Variants in MON2 observed in about 807,000 individuals in gnomAD.
The protein encoded by MON2 is protein MON2 homolog.
Under a neutral mutation model 208.6 loss-of-function variants are expected in MON2, and 84 were observed. That is an observed-to-expected ratio of 0.40 (90% confidence interval 0.34 to 0.48). MON2 has a LOEUF of 0.48. Among genes scored for constraint, MON2 ranks in the 20% least tolerant of loss-of-function variants. The pLI, the probability that MON2 is intolerant of heterozygous loss-of-function variation, is 0.59. For missense variants in MON2, 1,611 were observed against 2,015.4 expected, an observed-to-expected ratio of 0.80 and a Z score of 3.84; for synonymous variants, 660 against 694.0, an observed-to-expected ratio of 0.95 and a Z score of 0.77.
intron 22 of MON2, among the ~76,000 whole-genome samples, chr12:62,549,178 T>C (rs1377924749): frequency 6.6e-6 from 1 of 152,302 alleles, no homozygotes; most frequent in East Asian, 1.9e-4. Flanking sequence ...TTGTTTTTGT[T>C]AATTTGTTTA....
chr12:62,512,502 C>A (rs1191172599), intron 8 of MON2, among the ~76,000 whole-genome samples: 1 of 152,212 alleles, frequency 6.6e-6, no homozygotes, highest in Non-Finnish European at 1.5e-5. Flanking sequence ...TGTCTGACAT[C>A]CAGATCACAC....
chr12:62,548,681 A>T (rs191660569), intron 22 of MON2, among the ~76,000 whole-genome samples: 4 of 152,328 alleles, frequency 2.6e-5, no homozygotes, highest in Admixed American at 2.6e-4. Context: ...GGTGTACTAA[A>T]TAGGGCATTG....
chr12:62,486,676 A>T (rs758944689), intron 2 of MON2, among the ~76,000 whole-genome samples: 1 of 152,122 alleles, frequency 6.6e-6, no homozygotes, highest in Non-Finnish European at 1.5e-5. Context: ...TATAATTAAG[A>T]GTACAGTTAA....
Position 62,594,985 on chromosome 12 carries a change from C to T in MON2, c.*2236C>T, listed in dbSNP as rs2075493585. Reference sequence around the variant, plus strand: ...TAGTATGAATTGGGTTCTCCAGTGACTAGAAGAACTGGGGTGTGTGAAAGT... The same window carrying T: ...TAGTATGAATTGGGTTCTCCAGTGATTAGAAGAACTGGGGTGTGTGAAAGT... On this transcript the variant is annotated 3_prime_UTR_variant, in exon 35 of 35. Transcript: ENST00000393630. 6.6e-6 allele frequency: 1 copy of T among 152,122 alleles called. No individual in the cohort carries two copies. The highest frequency in any genetic ancestry group is 1.5e-5 in the Non-Finnish European group (1 of 68,052). 9.4% of individuals were successfully genotyped at this position (152,122 alleles called of 1,614,324 possible).
In MON2 at chr12:62,579,983, A is replaced by G. The variant is rs568162721; in HGVS notation, c.4576-314A>G. 2.5e-4 allele frequency among the ~76,000 whole-genome samples: 38 copies of G among 152,322 alleles called. 1 individual carries two copies. In the South Asian group the frequency reaches 3.7e-3, roughly 15 times the overall value. On this transcript the variant is annotated intron_variant, in intron 31 of 34. Coordinates refer to ENST00000393630, the MANE Select transcript of MON2 (RefSeq NM_015026.3). Reference sequence around the variant, plus strand: ...CTATTTTGAATATTTTAATTCTAACATGGGTAAATTTCATATGCTATTTTT... The same window carrying G: ...CTATTTTGAATATTTTAATTCTAACGTGGGTAAATTTCATATGCTATTTTT...
intron 7 of MON2, among the ~76,000 whole-genome samples, chr12:62,504,037 A>T (rs2070974563): frequency 1.3e-5 from 2 of 152,084 alleles, no homozygotes; most frequent in African/African-American, 4.8e-5. Context: ...CCCTACAAGA[A>T]GATAAACTCT....
chr12:62,564,069 T>G (rs559282403), intron 26 of MON2, among the ~76,000 whole-genome samples: 1 of 152,238 alleles, frequency 6.6e-6, no homozygotes, highest in East Asian at 1.9e-4. Flanking sequence ...TGGTATTAGA[T>G]GTCTTTTTAC....
intron 29 of MON2, among the ~76,000 whole-genome samples, chr12:62,568,021 G>A (rs11174550): frequency 0.35 from 53,865 of 151,998 alleles, 9,699 homozygotes; most frequent in African/African-American, 0.37. Context: ...TTGCCAAGTA[G>A]TCAGTGCTGA....
chr12:62,556,292 A>G, intron 25 of MON2, 100 bp downstream of exon 25: 1 of 1,132,798 alleles, frequency 8.8e-7, no homozygotes, highest in Non-Finnish European at 1.3e-6. Flanking sequence ...CTTAGTCTTT[A>G]TGTGTGGTGT....
chr12:62,582,021 A>G (rs1374228420), intron 32 of MON2, among the ~76,000 whole-genome samples: 1 of 152,082 alleles, frequency 6.6e-6, no homozygotes, highest in Non-Finnish European at 1.5e-5. Context: ...TAGCCCAAAC[A>G]GTTTTTAAAA....
At position 62,599,129 on chromosome 12, in the gene MON2, ATAGAG is replaced by A. The variant is rs1387807959; in HGVS notation, c.*6383_*6387del. 1.3e-5 allele frequency: 2 copies of A among 152,216 alleles called. No individual in the cohort carries two copies. The highest frequency in any genetic ancestry group is 1.9e-4 in the East Asian group (1 of 5,180). The allele number at this position is 152,216 out of a possible 1,614,324, so 9.4% of individuals were successfully genotyped here. On this transcript the variant is annotated 3_prime_UTR_variant, in exon 35 of 35. Transcript: ENST00000393630. ...TGATCACTTTGGGAAAAAAAAAATT[ATAGAG>A]TAAAGGGGAAATGTTCTTGAGAGCT...
intron 30 of MON2, among the ~76,000 whole-genome samples, chr12:62,576,224 A>G (rs2074775264): frequency 6.6e-6 from 1 of 152,136 alleles, no homozygotes; most frequent in Non-Finnish European, 1.5e-5. Context: ...ACAAAAGGCT[A>G]TATATTGTAT....
At chr12:62,482,151 CT>C (rs1337553403) in intron 1 of MON2, among the ~76,000 whole-genome samples, 1 of 152,182 alleles carries the variant, frequency 6.6e-6, no homozygotes, top group African/African-American at 2.4e-5. Flanking sequence ...TTCAAAATTG[CT>C]GGTGGGTACA....
chr12:62,595,372 T>TGACC lies in MON2; in HGVS notation c.*2624_*2627dup, dbSNP rs2075505942. 6.6e-6 allele frequency: 1 copy of TGACC among 152,260 alleles called. No homozygotes were observed. The allele number at this position is 152,260 out of a possible 1,614,324, so 9.4% of individuals were successfully genotyped here. On this transcript the variant is annotated 3_prime_UTR_variant, in exon 35 of 35. Coordinates refer to ENST00000393630, the MANE Select transcript of MON2 (RefSeq NM_015026.3). ...TTTGGCCATTCTAGTCTTGAACTCC[T>TGACC]GACCTCAGGTGATCTGCCCGCCTTG...
At chr12:62,523,148 T>G (rs2072149424) in intron 8 of MON2, among the ~76,000 whole-genome samples, 1 of 152,178 alleles carries the variant, frequency 6.6e-6, no homozygotes. Flanking sequence ...AACCCTCCAG[T>G]AGATAGAGCT....
At chr12:62,489,935 T>C in intron 2 of MON2, 1 of 597,486 alleles carries the variant, frequency 1.7e-6, no homozygotes, top group Non-Finnish European at 2.4e-6. Flanking sequence ...GAATTGAAGT[T>C]TATTTTTTAA....
chr12:62,542,511 C>T (rs2073283476), intron 19 of MON2, among the ~76,000 whole-genome samples: 1 of 152,128 alleles, frequency 6.6e-6, no homozygotes, highest in Non-Finnish European at 1.5e-5. Context: ...GCCCTTTGAT[C>T]TTTTCTGAAA....
chr12:62,588,024 C>A (rs765843149), intron 33 of MON2, 50 bp from the exon 34 acceptor site: 12 of 1,235,252 alleles, frequency 9.7e-6, no homozygotes, highest in Non-Finnish European at 1.2e-5. Flanking sequence ...AACAAACATA[C>A]CTGGCAACTT....
At chr12:62,470,109 G>A (rs2068723152) in intron 1 of MON2, among the ~76,000 whole-genome samples, 1 of 151,892 alleles carries the variant, frequency 6.6e-6, no homozygotes. Flanking sequence ...GTCTCACCAT[G>A]TTGCCGAGGC....
Sources: gnomAD v4.1 joint callset for allele counts (sites outside exome capture counted in the v4.1 genomes callset) on GRCh38, gnomAD v4.1.1 for gene constraint, MANE v1.5 for transcripts, NCBI Gene and HGNC (gene_info 2026-07-23, HGNC 2026-07-21) for gene names.